The following MYT1 variants were observed in gnomAD, a reference collection of about 807,000 sequenced individuals.
MYT1 encodes myelin transcription factor 1, also known as myelin transcription factor I.
Under a neutral mutation model 123.0 loss-of-function variants are expected in MYT1, and 23 were observed. The observed-to-expected ratio is 0.19, with a 90% CI of 0.13 to 0.26. MYT1 has a LOEUF of 0.26. Ranked by LOEUF, MYT1 falls within the 10% of genes least tolerant of loss-of-function variation. The pLI is 1.00. For synonymous variants in MYT1, 518 were observed against 575.3 expected (o/e 0.90, Z 1.43); for missense variants, 1,125 against 1,472.5 (o/e 0.76, Z 3.86).
rs559673268 is a variant in MYT1 at position 64,235,665 on chromosome 20, C to T, written c.2898-890C>T. On this transcript the variant is annotated intron_variant, in intron 19 of 22. Transcript: ENST00000328439. ...CCGTGGTGGGTGACCCTGGGATGGCCGTGGTGGGTGACACTGGGCTGGTGG... is the reference window on the plus strand; with the variant it reads ...CCGTGGTGGGTGACCCTGGGATGGCTGTGGTGGGTGACACTGGGCTGGTGG... 6.1e-3 allele frequency among the ~76,000 whole-genome samples: 748 copies of T among 121,814 alleles called. 14 individuals are homozygous for T. The highest frequency in any genetic ancestry group is 0.023 in the African/African-American group (697 of 30,284). 79.9% of individuals were successfully genotyped at this position (121,814 alleles called of 152,430 possible).
At chr20:64,170,401 G>T (rs947333911) in intron 1 of MYT1, among the ~76,000 whole-genome samples, 20 of 152,140 alleles carry the variant, frequency 1.3e-4, no homozygotes, top group African/African-American at 3.9e-4. Context: ...AGCATCCCAA[G>T]TCAAGGGGCT....
chr20:64,171,827 G>A (rs1288616570), intron 1 of MYT1, among the ~76,000 whole-genome samples: 1 of 148,068 alleles, frequency 6.8e-6, no homozygotes, highest in African/African-American at 2.5e-5. Context: ...TCTGGCATCT[G>A]GAGGAACCCA....
chr20:64,205,139 G>T, intron 5 of MYT1, 42 bp downstream of exon 5: 2 of 1,602,106 alleles, frequency 1.2e-6, no homozygotes, highest in Admixed American at 1.7e-5. Context: ...CTGGGCGGTA[G>T]ATTTGGAGCC....
intron 2 of MYT1, among the ~76,000 whole-genome samples, chr20:64,197,275 A>C (rs1983151819): frequency 6.6e-6 from 1 of 152,050 alleles, no homozygotes; most frequent in African/African-American, 2.4e-5. Context: ...TGCATGGGGG[A>C]GGTTCAATTT....
intron 6 of MYT1, among the ~76,000 whole-genome samples, chr20:64,206,544 C>T (rs565945413): frequency 1.3e-5 from 2 of 152,100 alleles, no homozygotes; most frequent in South Asian, 4.1e-4. Flanking sequence ...CCACTCCCCC[C>T]ACCATCCCCA....
chr20:64,198,777 A>G lies in MYT1; in HGVS notation c.1-85A>G, dbSNP rs1203026304. 2.7e-6 allele frequency: 4 copies of G among 1,474,250 alleles called. No homozygotes were observed. The East Asian group carries it at 9.1e-5, about 34-fold the overall frequency. 91.3% of individuals were successfully genotyped at this position (1,474,250 alleles called of 1,614,324 possible). A position where few individuals can be genotyped will look rare whatever the true frequency, so the allele number is the denominator to read the frequency against. ...CCTTTGCTGTCAAAGCTTGAGCCAG[A>G]AAATGGCCAGACATTCCTGATGGCT... On this transcript the variant is annotated intron_variant, in intron 2 of 22. Transcript: ENST00000328439.
intron 1 of MYT1, among the ~76,000 whole-genome samples, chr20:64,165,466 G>A (rs1982053492): frequency 6.6e-6 from 1 of 152,160 alleles, no homozygotes; most frequent in African/African-American, 2.4e-5. Flanking sequence ...ACACCCTAAT[G>A]CCATTGTCTG....
At chr20:64,177,467 A>G (rs912463470) in intron 1 of MYT1, among the ~76,000 whole-genome samples, 2 of 151,688 alleles carry the variant, frequency 1.3e-5, no homozygotes, top group African/African-American at 4.9e-5. Context: ...TTTCCTCCAG[A>G]TGCCCCAAAC....
At position 64,241,464 on chromosome 20, in the gene MYT1, A is replaced by T. The variant is rs1289262870; in HGVS notation, c.*1016A>T. 6.6e-6 allele frequency: 1 copy of T among 152,632 alleles called. No individual in the cohort carries two copies. 9.5% of individuals were successfully genotyped at this position (152,632 alleles called of 1,614,324 possible). A position where few individuals can be genotyped will look rare whatever the true frequency, so the allele number is the denominator to read the frequency against. On this transcript the variant is annotated 3_prime_UTR_variant, in exon 23 of 23. Coordinates refer to ENST00000328439, the MANE Select transcript of MYT1 (RefSeq NM_004535.3). This position sits in a 1 kb window ranked among gnomAD's most constrained non-coding sequence, Gnocchi z 4.2. The stretch of plus-strand genomic sequence containing the variant: ...GTAAATAGAATCCAAGTCAATTGTG[A>T]CTGCAATTCCAAGTTAGTATTTAAA...
rs922508503 is a variant in MYT1 at position 64,167,949 on chromosome 20, G to A, written c.-99+3210G>A. The stretch of plus-strand genomic sequence containing the variant: ...AGAAGGGAAGAGAGCAGTGGCTGCC[G>A]TGCTGCTCCCCCGTGGGCTTCCTGC... On this transcript the variant is annotated intron_variant, in intron 1 of 22. Coordinates refer to ENST00000328439, the MANE Select transcript of MYT1 (RefSeq NM_004535.3). This position sits in a 1 kb window ranked among gnomAD's most constrained non-coding sequence, Gnocchi z 6.3. Among the ~76,000 whole-genome samples, 6 of 152,214 alleles carry A rather than the reference G, an allele frequency of 3.9e-5. No homozygotes were observed. Among genetic ancestry groups the A allele is most frequent in the Non-Finnish European group, 8.8e-5 (6 of 68,038 alleles).
chr20:64,184,988 C>T lies in MYT1; in HGVS notation c.-98-5075C>T, dbSNP rs565683095. ...CGCAGTGATGTCTAGTGGGCCCTCA[C>T]GTGCCCTGTGAACATGAAGCCGCCT... On this transcript the variant is annotated intron_variant, in intron 1 of 22. Coordinates refer to ENST00000328439, the MANE Select transcript of MYT1 (RefSeq NM_004535.3). 5.9e-5 allele frequency among the ~76,000 whole-genome samples: 9 copies of T among 152,274 alleles called. 1 individual carries two copies. In the South Asian group the frequency reaches 1.5e-3, roughly 25 times the overall value.
intron 13 of MYT1, among the ~76,000 whole-genome samples, chr20:64,220,916 A>G (rs1296523306): frequency 2.8e-5 from 2 of 71,206 alleles, no homozygotes; most frequent in Admixed American, 1.2e-4. Context: ...TCAGGCCCCT[A>G]TGAAGGGTGG....
rs1283206564 is a variant in MYT1 at position 64,232,532 on chromosome 20, G to A, written c.2897+147G>A. 32 of 741,348 alleles carry A rather than the reference G, an allele frequency of 4.3e-5. No homozygotes were observed. Among genetic ancestry groups the A allele is most frequent in the African/African-American group, 1.8e-4 (10 of 56,812 alleles). The allele number at this position is 741,348 out of a possible 1,614,324, so 45.9% of individuals were successfully genotyped here. A position where few individuals can be genotyped will look rare whatever the true frequency, so the allele number is the denominator to read the frequency against. Reference sequence around the variant, plus strand: ...GGAAAGGCCAGGCCACATGGGTAGCGGATGGGGGAGGCTAGCGGGTCTGTT... The same window carrying A: ...GGAAAGGCCAGGCCACATGGGTAGCAGATGGGGGAGGCTAGCGGGTCTGTT... On this transcript the variant is annotated intron_variant, in intron 19 of 22. Transcript: ENST00000328439. The surrounding 1 kb of genome is among the most constrained non-coding windows in gnomAD (Gnocchi z 6.9).
rs1486634899 is a variant in MYT1, at chr20:64,232,261, A to G, written c.2773A>G (p.Lys925Glu). 2 of 1,613,164 alleles carry G rather than the reference A, an allele frequency of 1.2e-6. No individual in the cohort carries two copies. Among genetic ancestry groups the G allele is most frequent in the Non-Finnish European group, 1.7e-6 (2 of 1,180,016 alleles). ...SGCPLAARRQ[K>E]EGSLNGSSFS... ...CTGCCCACTGGCCGCCCGCAGGCAG[A>G]AGGAAGGGTCCCTCAATGGCTCGTC... Residue 925 changes from lysine to glutamate, a missense_variant, in exon 19 of 23, where the codon AAG becomes GAG. Coordinates refer to ENST00000328439, the MANE Select transcript of MYT1 (RefSeq NM_004535.3). This position sits in a 1 kb window ranked among gnomAD's most constrained non-coding sequence, Gnocchi z 6.9.
intron 7 of MYT1, 151 bp from the exon 8 acceptor site, chr20:64,211,055 C>A: frequency 3.7e-6 from 3 of 818,822 alleles, no homozygotes; most frequent in Non-Finnish European, 5.4e-6. Context: ...GGTCTCCTGA[C>A]TGTCCAGCCC....
chr20:64,207,617 T>C lies in MYT1; in HGVS notation c.421T>C (p.Phe141Leu). Residue 141 changes from phenylalanine (F) to leucine (L), a missense_variant, in exon 7 of 23, where the codon TTT becomes CTT. This residue lies in a region of MYT1 where 406 missense variants were observed against 432.2 expected (regional missense o/e 0.94). Transcript: ENST00000328439. ...AEGRSPVKSH[F>L]GSNPIGSATA... ...AGGAAGGAGCCCCGTCAAGTCCCATTTTGGATCCAACCCCATCGGCAGCGC... is the reference window on the plus strand; with the variant it reads ...AGGAAGGAGCCCCGTCAAGTCCCATCTTGGATCCAACCCCATCGGCAGCGC... 3 of 1,613,446 alleles carry C rather than the reference T, an allele frequency of 1.9e-6. No homozygotes were observed. Among genetic ancestry groups the C allele is most frequent in the Non-Finnish European group, 2.5e-6 (3 of 1,179,818 alleles).
rs1484032108 is a variant in MYT1, at chr20:64,207,751, C to T, written c.555C>T (p.Gly185=). The T allele has an allele frequency of 1.9e-6, 3 of 1,613,892 alleles. No individual in the cohort carries two copies. Among genetic ancestry groups the T allele is most frequent in the Admixed American group, 3.3e-5 (2 of 60,000 alleles). The change falls in exon 7 of 23, where the codon GGC becomes GGT. Residue 185 remains glycine, a synonymous_variant. Transcript: ENST00000328439. ...AEETLVEEDL[G]QAAKPGPGIV... ...AGACCCTGGTGGAAGAGGACTTGGGCCAGGCGGCCAAGCCAGGTCCTGGCA... is the reference window on the plus strand; with the variant it reads ...AGACCCTGGTGGAAGAGGACTTGGGTCAGGCGGCCAAGCCAGGTCCTGGCA...
intron 18 of MYT1, among the ~76,000 whole-genome samples, chr20:64,229,731 G>A (rs1162553874): frequency 2.0e-5 from 3 of 152,228 alleles, no homozygotes; most frequent in Non-Finnish European, 2.9e-5. Flanking sequence ...GGGGAGCCTG[G>A]TGGAACAGGA....
At chr20:64,170,866 TATATATATATATATATATAGAGAGAG>T (rs1314960266) in intron 1 of MYT1, among the ~76,000 whole-genome samples, 2 of 57,124 alleles carry the variant, frequency 3.5e-5, no homozygotes, top group African/African-American at 1.5e-4. Flanking sequence ...TATATATATA[TATATATATATATATATATAGAGAGAG>T]AGAGAGAGAG....
Sources: gnomAD v4.1 joint callset for allele counts (sites outside exome capture counted in the v4.1 genomes callset) on GRCh38, gnomAD v4.1.1 for gene constraint, gnomAD v4.1.1 regional missense constraint, Gnocchi (gnomAD v3.1) non-coding constraint, MANE v1.5 for transcripts, NCBI Gene and HGNC (gene_info 2026-07-23, HGNC 2026-07-21) for gene names.